Variants in SLC16A7 observed in about 807,000 individuals in gnomAD.
SLC16A7 encodes the protein solute carrier family 16 member 7.
SLC16A7 carries 33 observed loss-of-function variants against 34.9 expected under a neutral mutation model. That is an observed-to-expected ratio of 0.94 (90% confidence interval 0.72 to 1.26). SLC16A7 has a LOEUF of 1.26. Among genes scored for constraint, SLC16A7 ranks in the 50% most tolerant of loss-of-function variants. The pLI, the probability that SLC16A7 is intolerant of heterozygous loss-of-function variation, is 0.00. For synonymous variants in SLC16A7, 201 were observed against 206.6 expected, an observed-to-expected ratio of 0.97 and a Z score of 0.23; for missense variants, 573 against 578.1, an observed-to-expected ratio of 0.99 and a Z score of 0.09.
intron 1 of SLC16A7, among the ~76,000 whole-genome samples, chr12:59,643,016 A>T (rs1880752362): frequency 6.6e-6 from 1 of 152,130 alleles, no homozygotes; most frequent in Admixed American, 6.6e-5. Flanking sequence ...GTCAATTTTT[A>T]AAAGCACTTG....
chr12:59,627,977 C>T (rs559745275), intron 1 of SLC16A7, among the ~76,000 whole-genome samples: 3 of 151,550 alleles, frequency 2.0e-5, no homozygotes, highest in Non-Finnish European at 2.9e-5. Context: ...GTTGGAAACA[C>T]TAGGGTCATT....
chr12:59,708,731 G>A (rs1196607772), intron 3 of SLC16A7, among the ~76,000 whole-genome samples: 3 of 151,056 alleles, frequency 2.0e-5, no homozygotes, highest in Non-Finnish European at 4.4e-5. Flanking sequence ...TGTGATGTCA[G>A]GACTGGAGTC....
chr12:59,707,535 T>C (rs928117420), intron 3 of SLC16A7, among the ~76,000 whole-genome samples: 2 of 152,052 alleles, frequency 1.3e-5, no homozygotes, highest in Non-Finnish European at 2.9e-5. Flanking sequence ...ATATATGGTA[T>C]AATTTTTTAA....
rs1879802719 is a variant in SLC16A7 at position 59,623,774 on chromosome 12, G to A, written c.-130+27538G>A. 3.3e-5 allele frequency among the ~76,000 whole-genome samples: 5 copies of A among 151,472 alleles called. 1 individual carries two copies. In the South Asian group the frequency reaches 1.0e-3, roughly 31 times the overall value. ...TGTTTTGTCTTACTATTTTGCGAAG[G>A]ATGTTTAAGAAAATAACAGAGTCTT... On this transcript the variant is annotated intron_variant, in intron 1 of 5. Coordinates refer to ENST00000547379, the MANE Select transcript of SLC16A7 (RefSeq NM_001270623.2).
chr12:59,749,655 G>A (rs557700248), intron 3 of SLC16A7, among the ~76,000 whole-genome samples: 19 of 152,280 alleles, frequency 1.2e-4, no homozygotes, highest in East Asian at 5.8e-4. Flanking sequence ...TGAAGATGTC[G>A]TTATTGTTAT....
intron 3 of SLC16A7, among the ~76,000 whole-genome samples, chr12:59,730,132 AG>A (rs1180905476): frequency 5.9e-5 from 9 of 151,932 alleles, no homozygotes; most frequent in Non-Finnish European, 1.2e-4. Flanking sequence ...TTGGAGCCTT[AG>A]CTTGCAGGTG....
intron 2 of SLC16A7, among the ~76,000 whole-genome samples, chr12:59,690,578 A>G (rs975530964): frequency 6.6e-6 from 1 of 151,974 alleles, no homozygotes; most frequent in African/African-American, 2.4e-5. Context: ...AAAAGCATAT[A>G]AACAATGATA....
chr12:59,723,430 G>A (rs1180781420), intron 3 of SLC16A7, among the ~76,000 whole-genome samples: 1 of 151,844 alleles, frequency 6.6e-6, no homozygotes, highest in Non-Finnish European at 1.5e-5. Context: ...ATTTAATTAG[G>A]AATAAAGAGA....
At chr12:59,764,450 T>C (rs1251977178) in intron 3 of SLC16A7, among the ~76,000 whole-genome samples, 1 of 151,934 alleles carries the variant, frequency 6.6e-6, no homozygotes, top group Non-Finnish European at 1.5e-5. Flanking sequence ...TCATTTAGCA[T>C]TAGGTATATC....
At chr12:59,735,962 C>T (rs1387272204) in intron 3 of SLC16A7, 3 of 1,198,996 alleles carry the variant, frequency 2.5e-6, no homozygotes, top group East Asian at 5.9e-5. Flanking sequence ...ATCATTCACC[C>T]TTTAAAGAGA....
intron 3 of SLC16A7, among the ~76,000 whole-genome samples, chr12:59,741,002 A>G (rs1404780934): frequency 6.6e-6 from 1 of 152,208 alleles, no homozygotes; most frequent in African/African-American, 2.4e-5. Context: ...TCCAATTTAC[A>G]AGGGACGTGA....
chr12:59,692,209 T>A (rs1223916761), intron 2 of SLC16A7, among the ~76,000 whole-genome samples: 1 of 151,916 alleles, frequency 6.6e-6, no homozygotes, highest in Non-Finnish European at 1.5e-5. Context: ...TGTGTGTGTG[T>A]CTCTGAACTC....
rs184766149 is a variant in SLC16A7, at chr12:59,719,084, T to A, written c.217+14066T>A. ...CATTGTGCTTTCCCTTTGCTGTGAA[T>A]AGCTGTGTATTGTGTTCAAACAGAC... On this transcript the variant is annotated intron_variant, in intron 3 of 5. Coordinates refer to ENST00000547379, the MANE Select transcript of SLC16A7 (RefSeq NM_001270623.2). Among the ~76,000 whole-genome samples, 872 of 152,292 alleles carry A rather than the reference T, an allele frequency of 5.7e-3. 7 individuals carry two copies. The highest frequency in any genetic ancestry group is 0.034 in the Middle Eastern group (10 of 294).
intron 1 of SLC16A7, among the ~76,000 whole-genome samples, chr12:59,635,020 A>C (rs1880353339): frequency 6.6e-6 from 1 of 152,066 alleles, no homozygotes; most frequent in Non-Finnish European, 1.5e-5. Flanking sequence ...ATCTAGTGTT[A>C]GTGAAAATTG....
chr12:59,682,221 ATGTC>A (rs1173452812), intron 2 of SLC16A7, among the ~76,000 whole-genome samples: 2 of 152,190 alleles, frequency 1.3e-5, no homozygotes, highest in African/African-American at 2.4e-5. Flanking sequence ...TCTAGCAGCA[ATGTC>A]TGTTTTAGGA....
intron 3 of SLC16A7, among the ~76,000 whole-genome samples, chr12:59,713,236 T>G (rs905780777): frequency 6.6e-5 from 10 of 152,028 alleles, no homozygotes; most frequent in Admixed American, 2.0e-4. Flanking sequence ...GCCAGTCTGG[T>G]CTCAAGCTCC....
In SLC16A7 at chr12:59,788,588, AT is replaced by A. The variant is rs1288379530; in HGVS notation, c.*8912del. The A allele has an allele frequency of 6.6e-6, 1 of 151,138 alleles. No individual in the cohort carries two copies. The highest frequency in any genetic ancestry group is 1.5e-5 in the Non-Finnish European group (1 of 67,940). 9.4% of individuals were successfully genotyped at this position (151,138 alleles called of 1,614,324 possible). The stretch of plus-strand genomic sequence containing the variant: ...AAGAAAATAAAGTATAAAATAATAC[AT>A]TTAAAATACCTGTCAAAGTTTTAAA... On this transcript the variant is annotated 3_prime_UTR_variant, in exon 6 of 6. Coordinates refer to ENST00000547379, the MANE Select transcript of SLC16A7 (RefSeq NM_001270623.2).
intron 3 of SLC16A7, among the ~76,000 whole-genome samples, chr12:59,759,528 G>A (rs926341038): frequency 9.2e-5 from 14 of 151,594 alleles, no homozygotes; most frequent in East Asian, 3.9e-4. Context: ...TTTTATTTAC[G>A]TCCCAATGTT....
At chr12:59,637,861 T>C (rs1205733974) in intron 1 of SLC16A7, among the ~76,000 whole-genome samples, 1 of 152,240 alleles carries the variant, frequency 6.6e-6, no homozygotes, top group South Asian at 2.1e-4. Flanking sequence ...CTGTGAAAGT[T>C]GGCTTGCTAT....
Sources: allele counts gnomAD v4.1 joint callset (sites outside exome capture counted in the v4.1 genomes callset), GRCh38; gene constraint gnomAD v4.1.1; transcripts MANE v1.5; gene names NCBI Gene and HGNC (gene_info 2026-07-23, HGNC 2026-07-21).